Variants in KIAA1210 observed in about 807,000 individuals in gnomAD.
KIAA1210 encodes acrosomal protein KIAA1210.
Under a neutral mutation model 78.9 loss-of-function variants are expected in KIAA1210, and 48 were observed. The ratio of observed to expected loss-of-function variants is 0.61; its 90% CI spans 0.48 to 0.77. KIAA1210 has a LOEUF of 0.77. KIAA1210 is among the 30% of genes least tolerant of loss of function. The pLI is 0.00. For synonymous variants in KIAA1210, 406 were observed against 404.5 expected (o/e 1.00, Z -0.04); for missense variants, 1,108 against 1,100.0 (o/e 1.01, Z -0.10).
intron 2 of KIAA1210, among the ~76,000 whole-genome samples, chrX:119,135,324 C>T (rs1356671228): frequency 8.9e-6 from 1 of 112,110 alleles, no homozygotes; most frequent in African/African-American, 3.2e-5. Flanking sequence ...GCCCCCAACA[C>T]CTTTGCAGAT....
At chrX:119,136,575 C>T (rs1451575674) in intron 2 of KIAA1210, among the ~76,000 whole-genome samples, 2 of 111,687 alleles carry the variant, frequency 1.8e-5, no homozygotes, top group African/African-American at 6.5e-5. Context: ...GCCTGCAATC[C>T]CAGCACTTTG....
intron 3 of KIAA1210, among the ~76,000 whole-genome samples, chrX:119,112,010 A>C (rs1453887642): frequency 2.7e-5 from 3 of 111,000 alleles, no homozygotes; most frequent in Non-Finnish European, 3.8e-5. Flanking sequence ...GTGGAAGGTG[A>C]TTGGGTCATG....
At chrX:119,142,594 A>G (rs1439508476) in intron 2 of KIAA1210, among the ~76,000 whole-genome samples, 3 of 109,626 alleles carry the variant, frequency 2.7e-5, no homozygotes, top group Non-Finnish European at 5.7e-5. Flanking sequence ...CCTGGCCAAC[A>G]TGGTGAAACC....
At chrX:119,132,356 T>C (rs965905874), upstream of KIAA1210, among the ~76,000 whole-genome samples, 9 of 111,632 alleles carry the variant, frequency 8.1e-5, no homozygotes, top group African/African-American at 2.9e-4. Context: ...CTAGCTCTAA[T>C]TGCAGATGAA....
chrX:119,109,851 C>A (rs1342558407), intron 3 of KIAA1210, among the ~76,000 whole-genome samples: 1 of 111,812 alleles, frequency 8.9e-6, no homozygotes, highest in Non-Finnish European at 1.9e-5. Context: ...TCAAAGTCAT[C>A]CTATGTACCA....
At position 119,108,332 on chromosome X, in the gene KIAA1210, G is replaced by A; in HGVS notation, c.492+5C>T. 5 of 1,206,769 alleles carry A rather than the reference G, an allele frequency of 4.1e-6. No individual in the cohort carries two copies. The highest frequency in any genetic ancestry group is 5.6e-6 in the Non-Finnish European group (5 of 892,706). On this transcript the variant is annotated splice_donor_5th_base_variant and intron_variant, in intron 5 of 11. Transcript: ENST00000691062. ...CCCATGCGCTGAACAATTCCACTTT[G>A]TTACCTCAGTGATCTTGGGGCCAGC...
At chrX:119,128,927 G>T (rs1296582584), upstream of KIAA1210, among the ~76,000 whole-genome samples, 1 of 111,978 alleles carries the variant, frequency 8.9e-6, no homozygotes, top group Non-Finnish European at 1.9e-5. Flanking sequence ...TGCCCACCTC[G>T]GCCCCCCAAA....
intron 2 of KIAA1210, among the ~76,000 whole-genome samples, chrX:119,133,097 C>T (rs186226480): frequency 6.6e-4 from 74 of 111,563 alleles, no homozygotes; most frequent in African/African-American, 2.3e-3. Context: ...AGGACGCCAA[C>T]TCATTGAGGA....
At chrX:119,145,589 G>A (rs1929148455) in intron 2 of KIAA1210, among the ~76,000 whole-genome samples, 1 of 111,176 alleles carries the variant, frequency 9.0e-6, no homozygotes, top group African/African-American at 3.3e-5. Flanking sequence ...CACAGCAGGA[G>A]GTGAGTGGCA....
At chrX:119,112,057 G>A (rs764517673) in intron 3 of KIAA1210, among the ~76,000 whole-genome samples, 2 of 111,259 alleles carry the variant, frequency 1.8e-5, no homozygotes, top group Admixed American at 9.5e-5. Context: ...GTGATAGTGA[G>A]TGTGTTCTCA....
intron 10 of KIAA1210, among the ~76,000 whole-genome samples, chrX:119,084,369 A>G (rs1927066515): frequency 8.9e-6 from 1 of 111,930 alleles, no homozygotes. Context: ...TAGAAATCCA[A>G]ACATCAAACA....
Position 119,136,359 on chromosome X carries a change from T to C in KIAA1210, c.410+11114A>G, listed in dbSNP as rs183178095. The stretch of plus-strand genomic sequence containing the variant: ...AGCCTTTTGGCCCACAGGGTGGAGG[T>C]TGGGGAAAGCAATCTCAGCATCACC... On this transcript the variant is annotated intron_variant, in intron 2 of 13. Transcript: ENST00000402510. Among the ~76,000 whole-genome samples the C allele has an allele frequency of 1.5e-3, 164 of 112,468 alleles. 1 individual carries two copies. Among genetic ancestry groups the C allele is most frequent in the African/African-American group, 5.1e-3 (159 of 31,007 alleles).
chrX:119,086,525 C>T, intron 9 of KIAA1210, 21 bp downstream of exon 9: 1 of 1,168,131 alleles, frequency 8.6e-7, no homozygotes, highest in Non-Finnish European at 1.1e-6. Flanking sequence ...TGCTTGCCAT[C>T]TGGAGAGATA....
intron 6 of KIAA1210, 28 bp from the exon 7 acceptor site, chrX:119,096,719 G>A: frequency 9.1e-7 from 1 of 1,102,554 alleles, no homozygotes; most frequent in Non-Finnish European, 1.2e-6. Flanking sequence ...AAATAGACGA[G>A]TCAACCCGTA....
At chrX:119,135,526 A>G (rs1293135265) in intron 2 of KIAA1210, among the ~76,000 whole-genome samples, 1 of 111,556 alleles carries the variant, frequency 9.0e-6, no homozygotes, top group African/African-American at 3.3e-5. Flanking sequence ...TCAAGAGAAA[A>G]GTCAGAATTG....
Position 119,080,465 on chromosome X carries a change from C to T in KIAA1210, c.*864G>A, listed in dbSNP as rs1483887896. The T allele has an allele frequency of 2.7e-5, 3 of 111,662 alleles. No individual in the cohort carries two copies. Among genetic ancestry groups the T allele is most frequent in the Non-Finnish European group, 3.8e-5 (2 of 53,098 alleles). 9.2% of individuals were successfully genotyped at this position (111,662 alleles called of 1,213,427 possible). Reference sequence around the variant, plus strand: ...GGAGACCCAGAATTTTCACTTCCACCGCCTCTTTTAGGATCCCTTGCAAAG... The same window carrying T: ...GGAGACCCAGAATTTTCACTTCCACTGCCTCTTTTAGGATCCCTTGCAAAG... On this transcript the variant is annotated 3_prime_UTR_variant, in exon 12 of 12. Coordinates refer to ENST00000691062, the MANE Select transcript of KIAA1210 (RefSeq NM_001394962.1).
intron 6 of KIAA1210, among the ~76,000 whole-genome samples, chrX:119,104,723 T>A (rs1927834703): frequency 8.9e-6 from 1 of 112,487 alleles, no homozygotes; most frequent in South Asian, 3.7e-4. Flanking sequence ...TAAAAGTCTG[T>A]ATTTTTATCT....
At chrX:119,145,521 C>T (rs1929146865) in intron 2 of KIAA1210, among the ~76,000 whole-genome samples, 1 of 110,797 alleles carries the variant, frequency 9.0e-6, no homozygotes, top group South Asian at 3.9e-4. Context: ...GCAACAGGGG[C>T]CTGCAACCCC....
At chrX:119,147,531 C>G in exon 2 of KIAA1210, 1 of 1,210,985 alleles carries the variant, frequency 8.3e-7, no homozygotes. Context: ...GAGGGGCCCA[C>G]TATCCTGGCC....
Sources: gnomAD v4.1 joint callset for allele counts (sites outside exome capture counted in the v4.1 genomes callset) on GRCh38, gnomAD v4.1.1 for gene constraint, MANE v1.5 for transcripts, NCBI Gene and HGNC (gene_info 2026-07-23, HGNC 2026-07-21) for gene names.